TNIK: variants seen among roughly 807,000 people sequenced by gnomAD.
TNIK encodes TRAF2 and NCK-interacting protein kinase.
TNIK carries 49 observed loss-of-function variants against 191.3 expected under a neutral mutation model. The ratio of observed to expected loss-of-function variants is 0.26; its 90% CI spans 0.20 to 0.32. The LOEUF is 0.32. TNIK is among the 10% of genes least tolerant of loss of function. TNIK has a pLI of 1.00. For missense variants in TNIK, 1,155 were observed against 1,702.3 expected, an observed-to-expected ratio of 0.68 and a Z score of 5.66; for synonymous variants, 594 against 600.9, an observed-to-expected ratio of 0.99 and a Z score of 0.17.
chr3:171,387,523 T>C (rs1718888986), intron 1 of TNIK, among the ~76,000 whole-genome samples: 1 of 152,208 alleles, frequency 6.6e-6, no homozygotes, highest in South Asian at 2.1e-4. Context: ...TCAAAATCCC[T>C]CTCATGTGCC....
Position 171,241,399 on chromosome 3 carries a change from CTG to C in TNIK, c.124-13180_124-13179del, listed in dbSNP as rs1212956859. 5.9e-5 allele frequency among the ~76,000 whole-genome samples: 9 copies of C among 152,264 alleles called. No individual in the cohort carries two copies. In the East Asian group the frequency reaches 1.7e-3, roughly 29 times the overall value. On this transcript the variant is annotated intron_variant, in intron 2 of 32. Transcript: ENST00000436636. ...CAAGTACTGTTATCAGACTTTAAAA[CTG>C]AGGCTCAAAAAACCCAAGATTTTTC...
intron 29 of TNIK, among the ~76,000 whole-genome samples, chr3:171,069,871 A>G (rs1033097202): frequency 1.3e-5 from 2 of 152,228 alleles, no homozygotes; most frequent in Non-Finnish European, 2.9e-5. Context: ...TTCTGACAGC[A>G]TGGGAAGCTC....
In TNIK at chr3:171,156,600, GGCCTGAGAT is replaced by G. The variant is rs538617919; in HGVS notation, c.1221+851_1221+859del. 7.6e-4 allele frequency among the ~76,000 whole-genome samples: 116 copies of G among 152,364 alleles called. 1 individual carries two copies. The highest frequency in any genetic ancestry group is 2.6e-3 in the African/African-American group (109 of 41,582). On this transcript the variant is annotated intron_variant, in intron 12 of 32. Coordinates refer to ENST00000436636, the MANE Select transcript of TNIK (RefSeq NM_015028.4). ...TTTGATTTATCTGGCAGAGGAAGGA[GGCCTGAGAT>G]ATCTGGGCAAAGTTCTGGGAAGGAG...
intron 2 of TNIK, among the ~76,000 whole-genome samples, chr3:171,250,316 T>C (rs758342506): frequency 1.3e-5 from 2 of 152,316 alleles, no homozygotes; most frequent in Admixed American, 6.5e-5. Context: ...TGTTGATGGA[T>C]GGACAGCTTC....
intron 2 of TNIK, among the ~76,000 whole-genome samples, chr3:171,319,341 A>T (rs1036447872): frequency 4.6e-5 from 7 of 152,184 alleles, no homozygotes; most frequent in African/African-American, 1.7e-4. Context: ...AAAATTCTGC[A>T]GTTAAGTTCT....
chr3:171,141,137 A>ATCATCG (rs1488365993), intron 12 of TNIK, among the ~76,000 whole-genome samples: 3 of 152,158 alleles, frequency 2.0e-5, no homozygotes, highest in Non-Finnish European at 2.9e-5. Flanking sequence ...CATCATCATC[A>ATCATCG]TCATCGTCAT....
At position 171,175,270 on chromosome 3, in the gene TNIK, C is replaced by T. The variant is rs372760999; in HGVS notation, c.755G>A (p.Arg252Gln). Residue 252 changes from arginine to glutamine, a missense_variant, in exon 9 of 33, where the codon CGG (arginine) becomes CAG (glutamine). By Grantham distance (43) the Arg-to-Gln change is conservative. Coordinates refer to ENST00000436636, the MANE Select transcript of TNIK (RefSeq NM_015028.4). ...LFLIPRNPAPRLKSKKWSKKF... is the reference protein window; with the variant it reads ...LFLIPRNPAPQLKSKKWSKKF... The stretch of plus-strand genomic sequence containing the variant: ...AACTCACCACTTCTTAGACTTCAGC[C>T]GAGGCGCTGGGTTCCGGGGGATGAG... 35 of 1,612,548 alleles carry T rather than the reference C, an allele frequency of 2.2e-5. No individual in the cohort carries two copies. Among genetic ancestry groups the T allele is most frequent in the Middle Eastern group, 1.6e-4 (1 of 6,084 alleles).
intron 22 of TNIK, among the ~76,000 whole-genome samples, chr3:171,098,643 C>T (rs907435005): frequency 1.3e-5 from 2 of 152,130 alleles, no homozygotes; most frequent in Admixed American, 1.3e-4. Flanking sequence ...TCTGTGTTTA[C>T]TTCATGGTGG....
chr3:171,439,549 A>C (rs892969100), intron 1 of TNIK: 4 of 152,166 alleles, frequency 2.6e-5, no homozygotes, highest in African/African-American at 9.7e-5. Context: ...GCCAGTGGTC[A>C]CAAAGTATAT....
At chr3:171,165,545 C>G (rs531168710) in intron 10 of TNIK, among the ~76,000 whole-genome samples, 1 of 152,178 alleles carries the variant, frequency 6.6e-6, no homozygotes, top group Non-Finnish European at 1.5e-5. Flanking sequence ...CCGCCCCCAC[C>G]GCTAGTCCCC....
rs892444345 is a variant in TNIK, at chr3:171,342,284, A to G, written c.123+27336T>C. Among the ~76,000 whole-genome samples the G allele has an allele frequency of 3.9e-5, 6 of 152,366 alleles. No homozygotes were observed. In the East Asian group the frequency reaches 1.2e-3, roughly 29 times the overall value. ...TAATTTGTATATCTAACAAGTTCCC[A>G]GCAGATGCTGATGTTGGTGGTCCCA... On this transcript the variant is annotated intron_variant, in intron 2 of 32. Transcript: ENST00000436636.
chr3:171,454,391 C>A (rs1315276887), intron 1 of TNIK, among the ~76,000 whole-genome samples: 1 of 152,100 alleles, frequency 6.6e-6, no homozygotes, highest in African/African-American at 2.4e-5. Flanking sequence ...AAGAGTTTTA[C>A]AGATAAGGGG....
chr3:171,338,072 G>A (rs537475226), intron 2 of TNIK, among the ~76,000 whole-genome samples: 25 of 152,284 alleles, frequency 1.6e-4, no homozygotes, highest in Admixed American at 5.9e-4. Context: ...GCTCTTCTAC[G>A]TGGACCTATA....
intron 3 of TNIK, 73 bp downstream of exon 3, chr3:171,228,092 A>G: frequency 2.0e-6 from 3 of 1,513,292 alleles, no homozygotes; most frequent in Non-Finnish European, 2.7e-6. Flanking sequence ...TGATGGGCCT[A>G]TCAGGATGTG....
At chr3:171,329,826 T>A (rs1756214639) in intron 2 of TNIK, among the ~76,000 whole-genome samples, 1 of 152,208 alleles carries the variant, frequency 6.6e-6, no homozygotes, top group Non-Finnish European at 1.5e-5. Flanking sequence ...CTGCAAAGAC[T>A]TCATTAAAAG....
intron 2 of TNIK, among the ~76,000 whole-genome samples, chr3:171,272,488 T>C (rs988343947): frequency 6.6e-6 from 1 of 152,256 alleles, no homozygotes; most frequent in African/African-American, 2.4e-5. Context: ...AGTGTCCGTT[T>C]GGTCTTTTGA....
chr3:171,231,772 A>G (rs1743681724), intron 2 of TNIK, among the ~76,000 whole-genome samples: 1 of 152,172 alleles, frequency 6.6e-6, no homozygotes, highest in South Asian at 2.1e-4. Flanking sequence ...TTAAAGAGGT[A>G]ACTTTATAAA....
In TNIK at chr3:171,208,190, G is replaced by A. The variant is rs564258118; in HGVS notation, c.306+2926C>T. 2.0e-5 allele frequency among the ~76,000 whole-genome samples: 3 copies of A among 152,222 alleles called. No individual in the cohort carries two copies. In the South Asian group the frequency reaches 6.2e-4, roughly 32 times the overall value. ...AAATAAATTAGCTGGGCATAGTGGC[G>A]TGCTCTTGCAGTCAGAGCTACTCAG... On this transcript the variant is annotated intron_variant, in intron 4 of 32. Coordinates refer to ENST00000436636, the MANE Select transcript of TNIK (RefSeq NM_015028.4).
chr3:171,165,422 A>G (rs1440664543), intron 10 of TNIK, among the ~76,000 whole-genome samples: 1 of 151,282 alleles, frequency 6.6e-6, no homozygotes, highest in Non-Finnish European at 1.5e-5. Context: ...TCTCAAAAAA[A>G]AAAAAAAAAA....
Sources: gnomAD v4.1 joint callset for allele counts (sites outside exome capture counted in the v4.1 genomes callset) on GRCh38, gnomAD v4.1.1 for gene constraint, MANE v1.5 for transcripts, NCBI Gene and HGNC (gene_info 2026-07-23, HGNC 2026-07-21) for gene names.